Variants in CROCC observed in about 807,000 individuals in gnomAD.
The protein encoded by CROCC is ciliary rootlet coiled-coil, rootletin.
CROCC carries 180 observed loss-of-function variants against 245.2 expected under a neutral mutation model. That is an observed-to-expected ratio of 0.73 (90% CI 0.65 to 0.83). The LOEUF (loss-of-function observed/expected upper bound fraction) is 0.83. CROCC is among the 40% of genes least tolerant of loss of function. CROCC has a pLI of 0.00. For synonymous variants in CROCC, 1,205 were observed against 1,241.6 expected (o/e 0.97, Z 0.62); for missense variants, 2,688 against 2,779.4 (o/e 0.97, Z 0.74).
upstream of CROCC, among the ~76,000 whole-genome samples, chr1:16,920,227 C>T (rs1272069047): frequency 6.6e-6 from 1 of 152,238 alleles, no homozygotes; most frequent in African/African-American, 2.4e-5. Flanking sequence ...TACAGGTGTG[C>T]ACCACCATGC....
intron 8 of CROCC, among the ~76,000 whole-genome samples, chr1:16,935,511 C>G (rs1462007644): frequency 2.0e-5 from 3 of 152,260 alleles, no homozygotes; most frequent in African/African-American, 7.2e-5. Context: ...AGCTCCGCCT[C>G]CTGGGTTCAC....
chr1:16,932,279 A>G (rs1443398397), intron 8 of CROCC, among the ~76,000 whole-genome samples: 1 of 152,232 alleles, frequency 6.6e-6, no homozygotes, highest in Non-Finnish European at 1.5e-5. Context: ...TGTCTCTACT[A>G]AAAATACAAA....
In CROCC at chr1:16,961,053, G is replaced by A; in HGVS notation, c.4328G>A (p.Gly1443Asp). Residue 1443 changes from glycine to aspartate, a missense_variant, in exon 27 of 37, where the codon GGC (glycine) becomes GAC (aspartate). Transcript: ENST00000375541. ...LGGLRSALRR[G>D]LGLGRAPSPA... ...GGCCTGCGCTCGGCTCTGCGCCGGGGCCTCGGCCTCGGTCGCGCGCCCAGC... is the reference window on the plus strand; with the variant it reads ...GGCCTGCGCTCGGCTCTGCGCCGGGACCTCGGCCTCGGTCGCGCGCCCAGC... 1.5e-6 allele frequency: 2 copies of A among 1,333,392 alleles called. No homozygotes were observed. The highest frequency in any genetic ancestry group is 1.9e-5 in the South Asian group (1 of 52,050). 82.6% of individuals were successfully genotyped at this position (1,333,392 alleles called of 1,614,324 possible). A position where few individuals can be genotyped will look rare whatever the true frequency, so the allele number is the denominator to read the frequency against.
chr1:16,936,397 G>A (rs1310786115), intron 8 of CROCC, among the ~76,000 whole-genome samples: 13 of 152,222 alleles, frequency 8.5e-5, no homozygotes, highest in Non-Finnish European at 1.8e-4. Context: ...CCTCCCAAGC[G>A]GCTGGGACTA....
At chr1:16,941,191 G>A (rs2075923955) in intron 13 of CROCC, 1 of 154,600 alleles carries the variant, frequency 6.5e-6, no homozygotes, top group Admixed American at 6.5e-5. Context: ...TTTTTAAAAA[G>A]TGAAAATTCA....
intron 13 of CROCC, 32 bp from the exon 14 acceptor site, chr1:16,944,068 T>A: frequency 6.6e-7 from 1 of 1,507,510 alleles, no homozygotes; most frequent in Non-Finnish European, 8.9e-7. Flanking sequence ...AGCCCCAGCA[T>A]CCCCTCTGCT....
chr1:16,929,116 T>C lies in CROCC; in HGVS notation c.352-730T>C, dbSNP rs1357215452. On this transcript the variant is annotated intron_variant, in intron 3 of 36. Transcript: ENST00000375541. ...TGCTGGGATCACAGGCATGAGCCAC[T>C]GCACCCAGCCAGAAGGGGGCATTAA... Among the ~76,000 whole-genome samples the C allele has an allele frequency of 5.2e-5, 8 of 152,388 alleles. No individual in the cohort carries two copies. In the East Asian group the frequency reaches 1.5e-3, roughly 29 times the overall value.
At chr1:16,919,334 G>A (rs1251329954), upstream of CROCC, among the ~76,000 whole-genome samples, 4 of 152,288 alleles carry the variant, frequency 2.6e-5, no homozygotes, top group Admixed American at 1.3e-4. Context: ...GAAGCATGTC[G>A]CCTTGAATAG....
chr1:16,935,712 C>T (rs1356716633), intron 8 of CROCC, among the ~76,000 whole-genome samples: 1 of 152,292 alleles, frequency 6.6e-6, no homozygotes, highest in African/African-American at 2.4e-5. Context: ...GCGTGAGCCA[C>T]CAAGCCTGGC....
At chr1:16,943,256 T>C (rs1489254734) in intron 13 of CROCC, among the ~76,000 whole-genome samples, 6 of 126,218 alleles carry the variant, frequency 4.8e-5, no homozygotes, top group Non-Finnish European at 1.0e-4. Flanking sequence ...AAAAAAAAAT[T>C]ACTGGGCGCA....
At chr1:16,938,538 C>T (rs1369013666) in intron 11 of CROCC, 55 bp downstream of exon 11, 3 of 1,477,554 alleles carry the variant, frequency 2.0e-6, no homozygotes, top group African/African-American at 1.4e-5. Flanking sequence ...CCCAGGCTCC[C>T]CCGCCACGTC....
chr1:16,914,545 C>A (rs2075283448), intron 1 of CROCC, among the ~76,000 whole-genome samples: 1 of 152,282 alleles, frequency 6.6e-6, no homozygotes, highest in Non-Finnish European at 1.5e-5. Context: ...GATCCGGTTT[C>A]GTCTTCATTG....
At chr1:16,922,552 G>A (rs1424299714) in intron 1 of CROCC, 111 bp from the exon 2 acceptor site, 16 of 1,424,526 alleles carry the variant, frequency 1.1e-5, no homozygotes, top group Non-Finnish European at 1.5e-5. Context: ...TCCATCTTGA[G>A]GGGGCTCCTG....
chr1:16,936,583 A>G, intron 8 of CROCC, 54 bp from the exon 9 acceptor site: 1 of 1,486,710 alleles, frequency 6.7e-7, no homozygotes, highest in Non-Finnish European at 9.0e-7. Context: ...CATAGTTTTA[A>G]TTTGTAGTTG....
Position 16,972,646 on chromosome 1 carries a change from C to A in CROCC, c.*200C>A. On this transcript the variant is annotated 3_prime_UTR_variant, in exon 37 of 37. Coordinates refer to ENST00000375541, the MANE Select transcript of CROCC (RefSeq NM_014675.5). ...CTTCCCAGCAACACCTGCAGTCCAG[C>A]CCCCCTCTTCTAGGATGAGCCACTG... 1 of 510,270 alleles carries A rather than the reference C, an allele frequency of 2.0e-6. No homozygotes were observed. The highest frequency in any genetic ancestry group is 3.5e-6 in the Non-Finnish European group (1 of 288,832). 31.6% of individuals were successfully genotyped at this position (510,270 alleles called of 1,614,324 possible). A position where few individuals can be genotyped will look rare whatever the true frequency, so the allele number is the denominator to read the frequency against.
At chr1:16,933,723 G>A (rs551692867) in intron 8 of CROCC, among the ~76,000 whole-genome samples, 5 of 152,320 alleles carry the variant, frequency 3.3e-5, no homozygotes, top group African/African-American at 1.2e-4. Context: ...GCGCCACCAC[G>A]CCCAGCTAAC....
At chr1:16,951,229 G>A in intron 20 of CROCC, 107 bp downstream of exon 20, 1 of 1,078,780 alleles carries the variant, frequency 9.3e-7, no homozygotes. Context: ...CCTCTCTGTT[G>A]TGGAGGTCCT....
intron 2 of CROCC, 84 bp from the exon 3 acceptor site, chr1:16,924,241 G>A (rs1215425548): frequency 1.3e-6 from 2 of 1,533,750 alleles, no homozygotes; most frequent in East Asian, 2.3e-5. Flanking sequence ...CCAGGGGCCT[G>A]GATGGTTTTC....
intron 13 of CROCC, chr1:16,940,966 C>G (rs758850573): frequency 1.4e-4 from 52 of 370,280 alleles, no homozygotes; most frequent in South Asian, 8.9e-4. Context: ...GAGCCCTCAC[C>G]TCCCTGGGTT....
Sources: allele counts gnomAD v4.1 joint callset (sites outside exome capture counted in the v4.1 genomes callset), GRCh38; gene constraint gnomAD v4.1.1; transcripts MANE v1.5; gene names NCBI Gene and HGNC (gene_info 2026-07-23, HGNC 2026-07-21).